The following YEATS4 variants were observed in gnomAD, a reference collection of about 807,000 sequenced individuals.
The protein encoded by YEATS4 is YEATS domain-containing protein 4.
A neutral mutation model predicts 30.1 loss-of-function variants in YEATS4; 17 were observed. The ratio of observed to expected loss-of-function variants is 0.56; its 90% CI spans 0.39 to 0.85. The LOEUF (loss-of-function observed/expected upper bound fraction) is 0.85. Among genes scored for constraint, YEATS4 ranks in the 40% least tolerant of loss-of-function variants. YEATS4 has a pLI of 0.00. For synonymous variants in YEATS4, 85 were observed against 87.5 expected (o/e 0.97, Z 0.16); for missense variants, 142 against 268.3 (o/e 0.53, Z 3.29).
At chr12:69,375,544 A>G (rs1472706447) in intron 6 of YEATS4, among the ~76,000 whole-genome samples, 1 of 152,200 alleles carries the variant, frequency 6.6e-6, no homozygotes, top group Non-Finnish European at 1.5e-5. Flanking sequence ...TGGGAGGCCA[A>G]GGCAGGCGGC....
At chr12:69,390,075 A>T in intron 6 of YEATS4, 72 bp from the exon 7 acceptor site, 3 of 1,241,286 alleles carry the variant, frequency 2.4e-6, no homozygotes, top group Non-Finnish European at 3.3e-6. Flanking sequence ...AGGAAATGCC[A>T]TATTTATTAC....
chr12:69,408,132 G>C, the YEATS4 span, among the ~76,000 whole-genome samples: 9 of 152,264 alleles, frequency 5.9e-5, no homozygotes, highest in Middle Eastern at 0.014. Context: ...TATGTGGAGA[G>C]GATCTTGAGT....
At chr12:69,395,484 TA>T (rs1412267078), downstream of YEATS4, among the ~76,000 whole-genome samples, 1 of 152,186 alleles carries the variant, frequency 6.6e-6, no homozygotes, top group African/African-American at 2.4e-5. Flanking sequence ...ATTTAATTTT[TA>T]TAAGTAATAT....
At chr12:69,382,474 C>T (rs1414367210) in intron 6 of YEATS4, among the ~76,000 whole-genome samples, 1 of 152,106 alleles carries the variant, frequency 6.6e-6, no homozygotes, top group African/African-American at 2.4e-5. Flanking sequence ...CCTGTGTCCA[C>T]CACTACCACA....
the YEATS4 span, among the ~76,000 whole-genome samples, chr12:69,416,153 C>T: frequency 6.6e-6 from 1 of 152,148 alleles, no homozygotes; most frequent in African/African-American, 2.4e-5. Context: ...ACTTCAGTTC[C>T]CTGTGTGTGC....
chr12:69,360,920 G>C (rs1290795635), intron 1 of YEATS4, among the ~76,000 whole-genome samples: 2 of 151,884 alleles, frequency 1.3e-5, no homozygotes, highest in East Asian at 3.9e-4. Flanking sequence ...GTGCAGGGCC[G>C]GGCAAGGTGG....
intron 6 of YEATS4, among the ~76,000 whole-genome samples, chr12:69,374,995 C>T (rs1655392628): frequency 1.2e-5 from 1 of 85,550 alleles, no homozygotes; most frequent in Non-Finnish European, 2.4e-5. Context: ...AGGGCGGCGG[C>T]CGGGCGGGGG....
chr12:69,411,151 A>G, the YEATS4 span, among the ~76,000 whole-genome samples: 1 of 152,184 alleles, frequency 6.6e-6, no homozygotes, highest in African/African-American at 2.4e-5. Context: ...TGTTTTTGAG[A>G]TAGAGGCTCA....
chr12:69,399,890 G>A, the YEATS4 span, among the ~76,000 whole-genome samples: 1 of 152,138 alleles, frequency 6.6e-6, no homozygotes, highest in Middle Eastern at 3.2e-3. Context: ...GCCACCTACT[G>A]TATGACTCCA....
chr12:69,382,403 A>G (rs2603086), intron 6 of YEATS4, among the ~76,000 whole-genome samples: 49,485 of 152,018 alleles, frequency 0.33, 9,554 homozygotes, highest in African/African-American at 0.55. Flanking sequence ...CTGGCACCCA[A>G]GCTACAAGAC....
chr12:69,362,207 G>A (rs1875250536), intron 1 of YEATS4, among the ~76,000 whole-genome samples: 1 of 151,714 alleles, frequency 6.6e-6, no homozygotes, highest in African/African-American at 2.4e-5. Context: ...TAGTAGAGGT[G>A]GGGTTTCACC....
intron 4 of YEATS4, 48 bp downstream of exon 4, chr12:69,365,932 T>C (rs1431712818): frequency 1.5e-6 from 2 of 1,353,562 alleles, no homozygotes; most frequent in Non-Finnish European, 2.0e-6. Context: ...TCTTAGTAAA[T>C]GTGAACATGT....
intron 6 of YEATS4, among the ~76,000 whole-genome samples, chr12:69,375,191 C>T (rs1291524567): frequency 2.1e-5 from 3 of 145,330 alleles, no homozygotes; most frequent in East Asian, 2.1e-4. Flanking sequence ...TCAGACGGGG[C>T]GGCCGGTCAG....
the YEATS4 span, among the ~76,000 whole-genome samples, chr12:69,404,427 C>T: frequency 6.6e-6 from 1 of 152,158 alleles, no homozygotes; most frequent in Non-Finnish European, 1.5e-5. Context: ...GCTGTTTTCT[C>T]AGAGGTGGGT....
At chr12:69,385,981 T>G (rs941775776) in intron 6 of YEATS4, among the ~76,000 whole-genome samples, 1 of 152,216 alleles carries the variant, frequency 6.6e-6, no homozygotes, top group African/African-American at 2.4e-5. Context: ...GTAAAAAGCC[T>G]GATAGTCTGT....
the YEATS4 span, among the ~76,000 whole-genome samples, chr12:69,405,438 C>T: frequency 1.2e-4 from 18 of 152,254 alleles, no homozygotes; most frequent in East Asian, 7.7e-4. Flanking sequence ...GTGACCTCAG[C>T]GTACAGTTTT....
intron 6 of YEATS4, among the ~76,000 whole-genome samples, chr12:69,381,867 C>T (rs1487259078): frequency 6.6e-6 from 1 of 152,128 alleles, no homozygotes; most frequent in Non-Finnish European, 1.5e-5. Flanking sequence ...TGGTCCGGCA[C>T]ACTAAAAACA....
chr12:69,372,511 TCTA>T (rs1289569264), intron 6 of YEATS4, among the ~76,000 whole-genome samples: 5 of 143,492 alleles, frequency 3.5e-5, no homozygotes, highest in Non-Finnish European at 7.8e-5. Flanking sequence ...TAACCGTCAT[TCTA>T]CTCTGTTTTC....
At chr12:69,409,074 C>T in the YEATS4 span, among the ~76,000 whole-genome samples, 1 of 152,138 alleles carries the variant, frequency 6.6e-6, no homozygotes, top group African/African-American at 2.4e-5. Flanking sequence ...CATATCTAGA[C>T]ACTGTAGATA....
Sources: gnomAD v4.1 joint callset for allele counts (sites outside exome capture counted in the v4.1 genomes callset) on GRCh38, gnomAD v4.1.1 for gene constraint, MANE v1.5 for transcripts, NCBI Gene and HGNC (gene_info 2026-07-23, HGNC 2026-07-21) for gene names.